Variants in CBFB observed in about 807,000 individuals in gnomAD.
The protein encoded by CBFB is core-binding factor subunit beta, also known as CBF-beta.
A neutral mutation model predicts 30.4 loss-of-function variants in CBFB; 9 were observed. The observed-to-expected ratio is 0.30, with a 90% confidence interval of 0.18 to 0.52. The LOEUF is 0.52. Ranked by LOEUF, CBFB falls within the 20% of genes least tolerant of loss-of-function variation. The pLI is 0.97. For missense variants in CBFB, 170 were observed against 244.0 expected (o/e 0.70, Z 2.02); for synonymous variants, 94 against 84.0 (o/e 1.12, Z -0.65).
At chr16:67,082,034 G>T (rs1316691300) in intron 4 of CBFB, 179 bp from the exon 5 acceptor site, 12 of 330,984 alleles carry the variant, frequency 3.6e-5, no homozygotes, top group Non-Finnish European at 5.6e-5. Context: ...GGTCAGGCTG[G>T]TGTCGAACTC....
chr16:67,095,726 CT>C (rs1962028638), intron 5 of CBFB, among the ~76,000 whole-genome samples: 1 of 145,192 alleles, frequency 6.9e-6, no homozygotes, highest in African/African-American at 2.6e-5. Context: ...GAGTTTCCCT[CT>C]TGTTGCCCAG....
chr16:67,059,675 A>G (rs1960836032), intron 3 of CBFB, among the ~76,000 whole-genome samples: 1 of 152,198 alleles, frequency 6.6e-6, no homozygotes, highest in South Asian at 2.1e-4. Context: ...GGCTGTTCAT[A>G]GCCTGCCCTG....
chr16:67,070,736 A>G (rs1961197512), intron 4 of CBFB, among the ~76,000 whole-genome samples: 1 of 151,866 alleles, frequency 6.6e-6, no homozygotes, highest in African/African-American at 2.4e-5. Flanking sequence ...CTGTAGACCC[A>G]GCTACTCAGG....
intron 4 of CBFB, among the ~76,000 whole-genome samples, chr16:67,068,404 C>A (rs1400308168): frequency 6.6e-6 from 1 of 151,962 alleles, no homozygotes; most frequent in East Asian, 1.9e-4. Flanking sequence ...TCGCTTGAGT[C>A]CAGGAGCTCA....
chr16:67,079,789 A>G (rs922836504), intron 4 of CBFB, among the ~76,000 whole-genome samples: 1 of 152,160 alleles, frequency 6.6e-6, no homozygotes, highest in Non-Finnish European at 1.5e-5. Flanking sequence ...GAAAGTGAGT[A>G]GTATTGATGA....
At chr16:67,044,230 C>T (rs1286957037) in intron 3 of CBFB, among the ~76,000 whole-genome samples, 6 of 152,034 alleles carry the variant, frequency 3.9e-5, no homozygotes, top group Admixed American at 3.3e-4. Context: ...ACTTACTTTG[C>T]GATCCCAGTT....
chr16:67,077,972 CTAG>C (rs1263666001), intron 4 of CBFB, among the ~76,000 whole-genome samples: 33 of 152,304 alleles, frequency 2.2e-4, no homozygotes, highest in African/African-American at 7.9e-4. Context: ...GAGTAACAGA[CTAG>C]TAGTATAACA....
intron 3 of CBFB, among the ~76,000 whole-genome samples, chr16:67,056,894 A>G (rs910269530): frequency 6.8e-6 from 1 of 146,638 alleles, no homozygotes; most frequent in African/African-American, 2.5e-5. Context: ...GTTGGCCAGG[A>G]TGGTCTTGAT....
intron 3 of CBFB, among the ~76,000 whole-genome samples, chr16:67,053,413 A>G (rs1334996903): frequency 6.6e-6 from 1 of 150,842 alleles, no homozygotes; most frequent in Non-Finnish European, 1.5e-5. Flanking sequence ...TCACCACCAC[A>G]CCTGGCTAAT....
At chr16:67,050,191 T>C (rs1417753900) in intron 3 of CBFB, among the ~76,000 whole-genome samples, 2 of 148,018 alleles carry the variant, frequency 1.4e-5, no homozygotes, top group Non-Finnish European at 3.0e-5. Context: ...ATGTGATATA[T>C]ATAATATATG....
chr16:67,042,301 A>G (rs140953819), intron 3 of CBFB, among the ~76,000 whole-genome samples: 66 of 152,116 alleles, frequency 4.3e-4, no homozygotes, highest in Middle Eastern at 3.4e-3. Context: ...GACGACAGAT[A>G]TTTGCCACCA....
intron 3 of CBFB, among the ~76,000 whole-genome samples, chr16:67,053,747 C>T (rs968940309): frequency 6.6e-6 from 1 of 151,924 alleles, no homozygotes; most frequent in Non-Finnish European, 1.5e-5. Flanking sequence ...AACCATTGCT[C>T]ACCGTGTGCC....
At chr16:67,066,101 C>T (rs1478428295) in intron 3 of CBFB, among the ~76,000 whole-genome samples, 1 of 152,014 alleles carries the variant, frequency 6.6e-6, no homozygotes, top group Non-Finnish European at 1.5e-5. Flanking sequence ...GATTAATTAT[C>T]AGGAATCTGT....
At chr16:67,082,331 C>CAGT (rs1961587064) in intron 5 of CBFB, 23 bp downstream of exon 5, 1 of 1,611,878 alleles carries the variant, frequency 6.2e-7, no homozygotes, top group African/African-American at 1.3e-5. Flanking sequence ...CAGCTGCTGG[C>CAGT]AGTAACTGGT....
rs576202530 is a variant in CBFB at position 67,088,738 on chromosome 16, G to A, written c.495+6430G>A. 1.3e-3 allele frequency among the ~76,000 whole-genome samples: 202 copies of A among 152,290 alleles called. 1 individual carries two copies. The highest frequency in any genetic ancestry group is 2.5e-3 in the Non-Finnish European group (170 of 68,030). ...CATGGGTGGCAGCAAGTCAGTAAAC[G>A]GCCTGTGGAAGCTTGAGATCCTAGC... On this transcript the variant is annotated intron_variant, in intron 5 of 5. Transcript: ENST00000412916.
At chr16:67,074,676 C>T (rs550623090) in intron 4 of CBFB, among the ~76,000 whole-genome samples, 13 of 151,922 alleles carry the variant, frequency 8.6e-5, no homozygotes, top group South Asian at 2.1e-4. Context: ...CCACTGTGCC[C>T]GGCCGAAACA....
chr16:67,075,311 G>A (rs1250062440), intron 4 of CBFB, among the ~76,000 whole-genome samples: 1 of 151,750 alleles, frequency 6.6e-6, no homozygotes. Context: ...ATTGGCGAAA[G>A]ACATTTAACA....
chr16:67,077,025 T>C (rs1200643275), intron 4 of CBFB, among the ~76,000 whole-genome samples: 1 of 152,210 alleles, frequency 6.6e-6, no homozygotes, highest in Admixed American at 6.5e-5. Flanking sequence ...GAATGTTTCA[T>C]TTCTTTGGAT....
chr16:67,066,260 G>A (rs1961049159), intron 3 of CBFB, among the ~76,000 whole-genome samples: 1 of 151,804 alleles, frequency 6.6e-6, no homozygotes, highest in Non-Finnish European at 1.5e-5. Flanking sequence ...AAAAATCAAA[G>A]TGTCTGGCCG....
Sources: allele counts gnomAD v4.1 joint callset (sites outside exome capture counted in the v4.1 genomes callset), GRCh38; gene constraint gnomAD v4.1.1; transcripts MANE v1.5; gene names NCBI Gene and HGNC (gene_info 2026-07-23, HGNC 2026-07-21).